PDZRN4: variants seen among roughly 807,000 people sequenced by gnomAD.
PDZRN4 encodes PDZ domain-containing RING finger protein 4.
Under a neutral mutation model 99.0 loss-of-function variants are expected in PDZRN4, and 70 were observed. That is an observed-to-expected ratio of 0.71 (90% CI 0.58 to 0.86). PDZRN4 has a LOEUF of 0.86. Ranked by LOEUF, PDZRN4 falls within the 40% of genes least tolerant of loss-of-function variation. The probability of loss-of-function intolerance (pLI) is 0.00; values close to 1 mark genes in which losing one functional copy is unlikely to be tolerated. For missense variants in PDZRN4, 1,474 were observed against 1,331.2 expected, an observed-to-expected ratio of 1.11 and a Z score of -1.67; for synonymous variants, 551 against 501.6, an observed-to-expected ratio of 1.10 and a Z score of -1.32.
rs1038218723 is a variant in PDZRN4 at position 41,555,608 on chromosome 12, C to T, written c.1303-90C>T. On this transcript the variant is annotated intron_variant, in intron 6 of 9. Transcript: ENST00000402685. ...AAATCAACAGAGAATTTTGAAACAG[C>T]TTTTTCAAAATATATTTTAAAGCCA... The T allele has an allele frequency of 5.0e-6, 5 of 1,001,958 alleles. No homozygotes were observed. In the African/African-American group the frequency reaches 8.1e-5, roughly 16 times the overall value. 62.1% of individuals were successfully genotyped at this position (1,001,958 alleles called of 1,614,324 possible).
At chr12:41,341,332 T>C (rs961619726) in intron 3 of PDZRN4, among the ~76,000 whole-genome samples, 3 of 151,922 alleles carry the variant, frequency 2.0e-5, no homozygotes, top group East Asian at 3.9e-4. Context: ...TCCTATTCAA[T>C]GTAGTATTGA....
intron 3 of PDZRN4, among the ~76,000 whole-genome samples, chr12:41,291,195 C>T (rs1382906174): frequency 2.6e-5 from 4 of 152,024 alleles, no homozygotes; most frequent in African/African-American, 7.2e-5. Context: ...TTTCTAGGAA[C>T]ATTATGATCA....
intron 3 of PDZRN4, among the ~76,000 whole-genome samples, chr12:41,500,621 T>G (rs1276412125): frequency 6.6e-6 from 1 of 152,120 alleles, no homozygotes; most frequent in Non-Finnish European, 1.5e-5. Context: ...TCAGGTTTCC[T>G]TCATACAATT....
chr12:41,277,526 C>T (rs550022759), intron 3 of PDZRN4, among the ~76,000 whole-genome samples: 3 of 152,288 alleles, frequency 2.0e-5, no homozygotes, highest in Non-Finnish European at 2.9e-5. Flanking sequence ...GATGGCCGGC[C>T]TTCTTATCCC....
intron 3 of PDZRN4, among the ~76,000 whole-genome samples, chr12:41,430,668 A>C (rs780254013): frequency 1.3e-5 from 2 of 152,190 alleles, no homozygotes; most frequent in African/African-American, 2.4e-5. Flanking sequence ...CACAGTGTAC[A>C]ATGGCAAACA....
intron 3 of PDZRN4, among the ~76,000 whole-genome samples, chr12:41,281,499 T>G (rs1951385535): frequency 6.6e-6 from 1 of 152,092 alleles, no homozygotes; most frequent in Non-Finnish European, 1.5e-5. Context: ...CTAACTAGAA[T>G]AACCAGTTTA....
At position 41,573,856 on chromosome 12, in the gene PDZRN4, T is replaced by C; in HGVS notation, c.3077T>C (p.Val1026Ala). 1 of 1,585,288 alleles carries C rather than the reference T, an allele frequency of 6.3e-7. No homozygotes were observed. The highest frequency in any genetic ancestry group is 8.6e-7 in the Non-Finnish European group (1 of 1,168,884). The change falls in exon 10 of 10, where the codon GTC becomes GCC. Residue 1026 changes from valine to alanine, a missense_variant. Physicochemically the swap from Val to Ala is moderately conservative, Grantham distance 64. Transcript: ENST00000402685. ...HGAKSPDGTR[V>A]HNAFLSVTTV ...GCCAAGTCTCCAGATGGCACGAGAG[T>C]CCATAATGCCTTCTTGTCGGTGACC... is the stretch of plus-strand genomic sequence containing the variant.
intron 3 of PDZRN4, among the ~76,000 whole-genome samples, chr12:41,470,287 T>TTATA (rs1443312871): frequency 6.6e-6 from 1 of 152,230 alleles, no homozygotes; most frequent in East Asian, 1.9e-4. Flanking sequence ...AAACTCAGAC[T>TTATA]TATTTTGGCA....
chr12:41,395,761 G>T (rs568164620), intron 3 of PDZRN4, among the ~76,000 whole-genome samples: 1 of 152,170 alleles, frequency 6.6e-6, no homozygotes, highest in South Asian at 2.1e-4. Context: ...AAGTTTTATT[G>T]TTTATTTGGA....
chr12:41,428,934 C>T (rs1280136675), intron 3 of PDZRN4, among the ~76,000 whole-genome samples: 1 of 152,066 alleles, frequency 6.6e-6, no homozygotes, highest in African/African-American at 2.4e-5. Flanking sequence ...GAGGGAAGAG[C>T]CAAGGCAATG....
At chr12:41,231,938 A>C (rs1240174054) in intron 3 of PDZRN4, among the ~76,000 whole-genome samples, 1 of 152,096 alleles carries the variant, frequency 6.6e-6, no homozygotes, top group Non-Finnish European at 1.5e-5. Context: ...AACTAAATTT[A>C]AAGTATATTA....
At chr12:41,218,883 A>G (rs1226631156) in intron 3 of PDZRN4, among the ~76,000 whole-genome samples, 1 of 151,996 alleles carries the variant, frequency 6.6e-6, no homozygotes, top group East Asian at 1.9e-4. Flanking sequence ...ATTTTTACAC[A>G]TAAGTCTCTA....
intron 3 of PDZRN4, among the ~76,000 whole-genome samples, chr12:41,212,462 T>A (rs1053913962): frequency 3.3e-5 from 5 of 152,052 alleles, no homozygotes; most frequent in Admixed American, 6.6e-5. Flanking sequence ...TTATTTTTCA[T>A]GTGTTTTATA....
chr12:41,498,627 G>A (rs1938055178), intron 3 of PDZRN4, among the ~76,000 whole-genome samples: 1 of 152,048 alleles, frequency 6.6e-6, no homozygotes, highest in Non-Finnish European at 1.5e-5. Context: ...AATCACCTCT[G>A]AACGTTTTCA....
At chr12:41,463,672 C>G (rs1253481427) in intron 3 of PDZRN4, among the ~76,000 whole-genome samples, 1 of 152,116 alleles carries the variant, frequency 6.6e-6, no homozygotes, top group African/African-American at 2.4e-5. Context: ...GCATGTAACT[C>G]TTGCTGATTC....
intron 3 of PDZRN4, among the ~76,000 whole-genome samples, chr12:41,208,193 T>A (rs572371355): frequency 3.3e-5 from 5 of 151,898 alleles, no homozygotes; most frequent in Admixed American, 1.3e-4. Flanking sequence ...CATAATCTAT[T>A]GGAAATATCT....
At chr12:41,246,619 G>T (rs1156484390) in intron 3 of PDZRN4, among the ~76,000 whole-genome samples, 2 of 152,068 alleles carry the variant, frequency 1.3e-5, no homozygotes, top group South Asian at 4.1e-4. Flanking sequence ...TGGCATTTTG[G>T]TGAGATCAAC....
intron 3 of PDZRN4, among the ~76,000 whole-genome samples, chr12:41,418,853 G>A (rs1264857840): frequency 6.6e-6 from 1 of 152,078 alleles, no homozygotes; most frequent in Non-Finnish European, 1.5e-5. Context: ...TCAGCTGGGG[G>A]GTAACTGCTG....
chr12:41,511,904 C>A (rs1938312805), intron 5 of PDZRN4, among the ~76,000 whole-genome samples: 1 of 152,124 alleles, frequency 6.6e-6, no homozygotes, highest in Non-Finnish European at 1.5e-5. Context: ...CACCTAGAAG[C>A]AGACTGATCT....
Sources: gnomAD v4.1 joint callset for allele counts (sites outside exome capture counted in the v4.1 genomes callset) on GRCh38, gnomAD v4.1.1 for gene constraint, MANE v1.5 for transcripts, NCBI Gene and HGNC (gene_info 2026-07-23, HGNC 2026-07-21) for gene names.